Variants in VKORC1L1 observed in about 807,000 individuals in gnomAD.
VKORC1L1 encodes the protein vitamin K epoxide reductase complex subunit 1L1.
A neutral mutation model predicts 18.9 loss-of-function variants in VKORC1L1; 2 were observed. The observed-to-expected ratio is 0.11, with a 90% CI of 0.04 to 0.33. VKORC1L1 has a LOEUF of 0.33. Ranked by LOEUF, VKORC1L1 falls within the 10% of genes least tolerant of loss-of-function variation. The probability of loss-of-function intolerance (pLI) is 1.00; values close to 1 mark genes in which losing one functional copy is unlikely to be tolerated. For synonymous variants in VKORC1L1, 96 were observed against 100.0 expected, an observed-to-expected ratio of 0.96 and a Z score of 0.24; for missense variants, 123 against 224.1, an observed-to-expected ratio of 0.55 and a Z score of 2.88.
intron 1 of VKORC1L1, among the ~76,000 whole-genome samples, chr7:65,924,860 A>C (rs1481127762): frequency 6.6e-6 from 1 of 152,218 alleles, no homozygotes; most frequent in African/African-American, 2.4e-5. Context: ...CATTTGATAC[A>C]GAATATTGTG....
chr7:65,872,017 A>C (rs1006455355), upstream of VKORC1L1, among the ~76,000 whole-genome samples: 1 of 152,256 alleles, frequency 6.6e-6, no homozygotes, highest in Non-Finnish European at 1.5e-5. Context: ...CCAGGGAAAC[A>C]CTGAAAATCT....
chr7:65,940,916 C>T (rs1300986904), intron 1 of VKORC1L1, among the ~76,000 whole-genome samples: 1 of 152,098 alleles, frequency 6.6e-6, no homozygotes, highest in Non-Finnish European at 1.5e-5. Flanking sequence ...GAACCTATAG[C>T]TTAAGAGAGT....
intron 2 of VKORC1L1, among the ~76,000 whole-genome samples, chr7:65,952,519 T>G (rs1352999567): frequency 1.3e-5 from 2 of 152,180 alleles, no homozygotes; most frequent in South Asian, 4.1e-4. Flanking sequence ...AGGCGTCTTC[T>G]TGTTGCATTT....
At chr7:65,908,179 G>A (rs182332191) in intron 1 of VKORC1L1, among the ~76,000 whole-genome samples, 12 of 151,884 alleles carry the variant, frequency 7.9e-5, no homozygotes, top group African/African-American at 2.9e-4. Context: ...TTGGAAGGCC[G>A]AGGCGGGCAG....
intron 1 of VKORC1L1, among the ~76,000 whole-genome samples, chr7:65,901,150 A>C (rs979722986): frequency 1.3e-5 from 2 of 152,144 alleles, no homozygotes; most frequent in Non-Finnish European, 1.5e-5. Context: ...AAGGAGGAAA[A>C]ATTTTGTTCG....
At chr7:65,887,628 A>G (rs1789037551) in intron 1 of VKORC1L1, among the ~76,000 whole-genome samples, 5 of 152,148 alleles carry the variant, frequency 3.3e-5, no homozygotes, top group Admixed American at 3.3e-4. Context: ...ACAAGCAGTC[A>G]GCACAGCCCT....
chr7:65,870,067 A>G (rs1788707838), upstream of VKORC1L1, among the ~76,000 whole-genome samples: 2 of 151,396 alleles, frequency 1.3e-5, no homozygotes, highest in African/African-American at 4.9e-5. Context: ...CTGTGGGCCT[A>G]TTGTTTCTGC....
intron 1 of VKORC1L1, among the ~76,000 whole-genome samples, chr7:65,874,037 G>A (rs958712197): frequency 2.6e-5 from 4 of 152,216 alleles, no homozygotes; most frequent in Non-Finnish European, 5.9e-5. Flanking sequence ...TTTGGGGCCG[G>A]CGCGGAGACA....
intron 1 of VKORC1L1, among the ~76,000 whole-genome samples, chr7:65,885,741 C>T (rs35548681): frequency 0.11 from 16,783 of 151,622 alleles, 1,049 homozygotes; most frequent in South Asian, 0.2. Flanking sequence ...AGTGACAGGT[C>T]GGTCTGTGTT....
chr7:65,951,731 A>G (rs1161322553), intron 2 of VKORC1L1, among the ~76,000 whole-genome samples: 1 of 152,128 alleles, frequency 6.6e-6, no homozygotes, highest in Non-Finnish European at 1.5e-5. Context: ...ACAAATACAC[A>G]ATCTTAATTT....
intron 1 of VKORC1L1, among the ~76,000 whole-genome samples, chr7:65,929,361 G>A (rs187506579): frequency 1.3e-5 from 2 of 152,182 alleles, no homozygotes; most frequent in African/African-American, 2.4e-5. Flanking sequence ...GCAGTGAGCC[G>A]AGATCGCGCC....
intron 1 of VKORC1L1, among the ~76,000 whole-genome samples, chr7:65,940,015 T>TC (rs1790008386): frequency 7.6e-6 from 1 of 131,856 alleles, no homozygotes. Flanking sequence ...GGGAAAATTG[T>TC]CTTTTTTTTT....
At chr7:65,874,039 G>C (rs1173489121) in intron 1 of VKORC1L1, among the ~76,000 whole-genome samples, 2 of 152,212 alleles carry the variant, frequency 1.3e-5, no homozygotes, top group Non-Finnish European at 2.9e-5. Flanking sequence ...TGGGGCCGGC[G>C]CGGAGACAGG....
rs143347069 is a variant in VKORC1L1 at position 65,916,377 on chromosome 7, C to T, written c.195-32294C>T. Among the ~76,000 whole-genome samples, 285 of 152,162 alleles carry T rather than the reference C, an allele frequency of 1.9e-3. 3 individuals are homozygous for T. Among genetic ancestry groups the T allele is most frequent in the African/African-American group, 6.7e-3 (278 of 41,516 alleles). ...CTTATTGACACCCAGACTTCTCTGC[C>T]TTCTTCTAAGTCCTTTTCTCCTGAC... On this transcript the variant is annotated intron_variant, in intron 1 of 2. Transcript: ENST00000360768.
chr7:65,909,890 G>A (rs1159084757), intron 1 of VKORC1L1, among the ~76,000 whole-genome samples: 1 of 152,028 alleles, frequency 6.6e-6, no homozygotes. Context: ...GCTAATTTTT[G>A]TATTTTTAAT....
chr7:65,920,095 A>G (rs2115615549), intron 1 of VKORC1L1, among the ~76,000 whole-genome samples: 1 of 151,774 alleles, frequency 6.6e-6, no homozygotes, highest in Admixed American at 6.6e-5. Flanking sequence ...TCCTGGCTGT[A>G]CCTCACACCC....
intron 1 of VKORC1L1, among the ~76,000 whole-genome samples, chr7:65,929,652 ATG>A (rs1162737263): frequency 2.2e-5 from 3 of 133,976 alleles, no homozygotes; most frequent in Non-Finnish European, 3.1e-5. Context: ...ATATATATAT[ATG>A]TATGTGTGTG....
intron 1 of VKORC1L1, among the ~76,000 whole-genome samples, chr7:65,944,234 G>A (rs1790081865): frequency 6.6e-6 from 1 of 152,000 alleles, no homozygotes; most frequent in South Asian, 2.1e-4. Flanking sequence ...CCTGCGTGGT[G>A]GTGGGAGCCT....
At position 65,899,446 on chromosome 7, in the gene VKORC1L1, A is replaced by T. The variant is rs150378519; in HGVS notation, c.194+25881A>T. 9.2e-3 allele frequency among the ~76,000 whole-genome samples: 1,407 copies of T among 152,318 alleles called. 25 individuals are homozygous for T. Among genetic ancestry groups the T allele is most frequent in the African/African-American group, 0.031 (1,268 of 41,562 alleles). ...TTTTTAGTGCTGCTTTGAGATCATT[A>T]TTCTAGAGCCCTCTGCAGTAATGTT... On this transcript the variant is annotated intron_variant, in intron 1 of 2. Coordinates refer to ENST00000360768, the MANE Select transcript of VKORC1L1 (RefSeq NM_173517.6).
Sources: gnomAD v4.1 joint callset for allele counts (sites outside exome capture counted in the v4.1 genomes callset) on GRCh38, gnomAD v4.1.1 for gene constraint, MANE v1.5 for transcripts, NCBI Gene and HGNC (gene_info 2026-07-23, HGNC 2026-07-21) for gene names.